FBXL17: variants seen among roughly 807,000 people sequenced by gnomAD.
The protein encoded by FBXL17 is F-box/LRR-repeat protein 17.
In FBXL17, 22 loss-of-function variants were observed where a neutral mutation model predicts 66.2. The observed-to-expected ratio is 0.33, with a 90% confidence interval of 0.24 to 0.47. The LOEUF is 0.47. FBXL17 is among the 20% of genes least tolerant of loss of function. The pLI is 1.00. For synonymous variants in FBXL17, 474 were observed against 400.5 expected (o/e 1.18, Z -2.19); for missense variants, 878 against 948.2 (o/e 0.93, Z 0.97).
chr5:108,160,738 A>G (rs1752179155), intron 6 of FBXL17, among the ~76,000 whole-genome samples: 1 of 152,208 alleles, frequency 6.6e-6, no homozygotes, highest in Admixed American at 6.5e-5. Flanking sequence ...GGACTAGAGA[A>G]GAGAGAAGTT....
rs531964564 is a variant in FBXL17 at position 108,249,652 on chromosome 5, G to A, written c.1507-25424C>T. Among the ~76,000 whole-genome samples the A allele has an allele frequency of 9.9e-5, 15 of 152,188 alleles. 1 individual carries two copies. Among genetic ancestry groups the A allele is most frequent in the African/African-American group, 2.9e-4 (12 of 41,554 alleles). On this transcript the variant is annotated intron_variant, in intron 4 of 8. Transcript: ENST00000542267. Reference sequence around the variant, plus strand: ...AAAGGAGTTTTGCACCCCGGCCTTCGGGAATGTTATCTTCTGGGTTTGGCC... The same window carrying A: ...AAAGGAGTTTTGCACCCCGGCCTTCAGGAATGTTATCTTCTGGGTTTGGCC...
At chr5:108,218,440 C>G (rs1047664507) in intron 5 of FBXL17, among the ~76,000 whole-genome samples, 6 of 152,112 alleles carry the variant, frequency 3.9e-5, no homozygotes, top group Non-Finnish European at 8.8e-5. Flanking sequence ...TGGATACATA[C>G]CCAGCAGTAC....
intron 6 of FBXL17, among the ~76,000 whole-genome samples, chr5:108,139,293 A>G (rs1426584749): frequency 1.3e-5 from 2 of 152,220 alleles, no homozygotes; most frequent in African/African-American, 2.4e-5. Flanking sequence ...CACCTGAGAT[A>G]CAGCATTCGC....
At chr5:107,936,853 AT>A (rs2112583306) in intron 7 of FBXL17, among the ~76,000 whole-genome samples, 1 of 152,256 alleles carries the variant, frequency 6.6e-6, no homozygotes, top group African/African-American at 2.4e-5. Context: ...TGGATTATAA[AT>A]TACAACAGAA....
intron 6 of FBXL17, among the ~76,000 whole-genome samples, chr5:108,026,777 C>T (rs1443136268): frequency 2.0e-5 from 3 of 152,164 alleles, no homozygotes; most frequent in Non-Finnish European, 2.9e-5. Context: ...AATAGCAAAC[C>T]GATGCCCATT....
chr5:107,975,410 A>C (rs983832955), intron 7 of FBXL17, among the ~76,000 whole-genome samples: 2 of 152,218 alleles, frequency 1.3e-5, no homozygotes, highest in African/African-American at 4.8e-5. Flanking sequence ...AACAGATTAC[A>C]TACAGAAATG....
intron 6 of FBXL17, among the ~76,000 whole-genome samples, chr5:108,101,861 G>A (rs994568122): frequency 1.3e-5 from 2 of 152,182 alleles, no homozygotes; most frequent in African/African-American, 4.8e-5. Flanking sequence ...TGCCACTTAA[G>A]TTTGGGAGAA....
At position 108,042,231 on chromosome 5, in the gene FBXL17, G is replaced by A. The variant is rs115929060; in HGVS notation, c.1746-21230C>T. On this transcript the variant is annotated intron_variant, in intron 6 of 8. Coordinates refer to ENST00000542267, the MANE Select transcript of FBXL17 (RefSeq NM_001163315.3). The stretch of plus-strand genomic sequence containing the variant: ...TCAAACTTTTTATTTTGTAAGAACT[G>A]TAGATTCACATGTAGTTGAAAGACG... 1.8e-3 allele frequency among the ~76,000 whole-genome samples: 274 copies of A among 152,254 alleles called. 2 individuals carry two copies. The highest frequency in any genetic ancestry group is 6.1e-3 in the African/African-American group (255 of 41,556).
intron 4 of FBXL17, among the ~76,000 whole-genome samples, chr5:108,239,450 C>T (rs1362206197): frequency 6.6e-6 from 1 of 152,178 alleles, no homozygotes; most frequent in Non-Finnish European, 1.5e-5. Flanking sequence ...CAGTGCTTCC[C>T]TGTCATAGCG....
Position 108,335,840 on chromosome 5 carries a change from A to G in FBXL17, c.1506+12559T>C, listed in dbSNP as rs1760354471. On this transcript the variant is annotated intron_variant, in intron 4 of 8. Transcript: ENST00000542267. The stretch of plus-strand genomic sequence containing the variant: ...ATATTTTAATGTATGAAAAAAGATT[A>G]TTCTTATATACTTGGACTAACTTTA... Among the ~76,000 whole-genome samples the G allele has an allele frequency of 2.6e-5, 4 of 152,202 alleles. No homozygotes were observed. In the South Asian group the frequency reaches 8.3e-4, roughly 31 times the overall value.
intron 7 of FBXL17, among the ~76,000 whole-genome samples, chr5:108,003,321 GA>G (rs1180222952): frequency 3.3e-5 from 5 of 152,134 alleles, no homozygotes; most frequent in African/African-American, 1.2e-4. Context: ...CCAAGAAACT[GA>G]AAGTAGTCCA....
intron 4 of FBXL17, among the ~76,000 whole-genome samples, chr5:108,226,252 A>C (rs1049544437): frequency 6.6e-6 from 1 of 152,214 alleles, no homozygotes; most frequent in African/African-American, 2.4e-5. Context: ...GAAAAGTCCT[A>C]TGACCCGGAA....
chr5:108,334,555 A>AG (rs762110613), intron 4 of FBXL17, among the ~76,000 whole-genome samples: 5 of 152,196 alleles, frequency 3.3e-5, no homozygotes, highest in Non-Finnish European at 5.9e-5. Context: ...TTGTTCTGGT[A>AG]GGTAGAGGGT....
intron 7 of FBXL17, among the ~76,000 whole-genome samples, chr5:107,999,121 A>G (rs1348869171): frequency 1.3e-5 from 2 of 152,200 alleles, no homozygotes; most frequent in Non-Finnish European, 2.9e-5. Flanking sequence ...TGGTAGATGA[A>G]TATCATCATA....
At chr5:107,996,479 T>A (rs1204838537) in intron 7 of FBXL17, among the ~76,000 whole-genome samples, 2 of 152,144 alleles carry the variant, frequency 1.3e-5, no homozygotes, top group Non-Finnish European at 2.9e-5. Context: ...CATGTCTGGC[T>A]AATTTTTGTA....
intron 6 of FBXL17, among the ~76,000 whole-genome samples, chr5:108,076,174 A>C: frequency 6.6e-6 from 1 of 152,172 alleles, no homozygotes; most frequent in Non-Finnish European, 1.5e-5. Context: ...ATACCTGCTT[A>C]ATTTGTCTTT....
chr5:107,955,334 G>A (rs1751627917), intron 7 of FBXL17, among the ~76,000 whole-genome samples: 1 of 151,962 alleles, frequency 6.6e-6, no homozygotes, highest in African/African-American at 2.4e-5. Flanking sequence ...AGTAGCATAA[G>A]TTTGAGATTT....
At chr5:108,026,523 G>T (rs554500042) in intron 6 of FBXL17, among the ~76,000 whole-genome samples, 2 of 152,094 alleles carry the variant, frequency 1.3e-5, no homozygotes, top group African/African-American at 4.8e-5. Context: ...GATGTTTACC[G>T]CAAGAAAAAT....
intron 6 of FBXL17, among the ~76,000 whole-genome samples, chr5:108,161,161 G>GATAGATAGATACATACATAC (rs376656671): frequency 7.4e-5 from 11 of 149,200 alleles, no homozygotes; most frequent in African/African-American, 2.7e-4. Flanking sequence ...TCAACAAATA[G>GATAGATAGATACATACATAC]ATACATACAT....
Sources: gnomAD v4.1 joint callset for allele counts (sites outside exome capture counted in the v4.1 genomes callset) on GRCh38, gnomAD v4.1.1 for gene constraint, MANE v1.5 for transcripts, NCBI Gene and HGNC (gene_info 2026-07-23, HGNC 2026-07-21) for gene names.